The following CPNE4 variants were observed in gnomAD, a reference collection of about 807,000 sequenced individuals.
The protein encoded by CPNE4 is copine-4.
In CPNE4, 25 loss-of-function variants were observed where a neutral mutation model predicts 67.9. That is an observed-to-expected ratio of 0.37 (90% confidence interval 0.27 to 0.51). The LOEUF (loss-of-function observed/expected upper bound fraction) is 0.51. Ranked by LOEUF, CPNE4 falls within the 20% of genes least tolerant of loss-of-function variation. CPNE4 has a pLI of 0.93. For missense variants in CPNE4, 464 were observed against 690.8 expected, an observed-to-expected ratio of 0.67 and a Z score of 3.68; for synonymous variants, 242 against 244.9, an observed-to-expected ratio of 0.99 and a Z score of 0.11.
chr3:131,592,013 T>TA (rs1309517943), intron 7 of CPNE4, among the ~76,000 whole-genome samples: 1 of 152,176 alleles, frequency 6.6e-6, no homozygotes, highest in Non-Finnish European at 1.5e-5. Flanking sequence ...ATAATATCTT[T>TA]AAAAATGCAT....
At chr3:131,763,128 G>A (rs987224106) in intron 2 of CPNE4, among the ~76,000 whole-genome samples, 3 of 152,100 alleles carry the variant, frequency 2.0e-5, no homozygotes, top group Admixed American at 6.6e-5. Flanking sequence ...TGATGCAGGT[G>A]TCTTTAATTA....
intron 1 of CPNE4, among the ~76,000 whole-genome samples, chr3:131,914,308 A>G (rs1167332290): frequency 6.6e-6 from 1 of 152,148 alleles, no homozygotes; most frequent in Non-Finnish European, 1.5e-5. Flanking sequence ...AAGACTCTCA[A>G]AAAAGTGACA....
At chr3:131,567,106 G>C (rs1336412981) in intron 10 of CPNE4, among the ~76,000 whole-genome samples, 4 of 151,926 alleles carry the variant, frequency 2.6e-5, no homozygotes, top group Admixed American at 2.6e-4. Context: ...CCCATGTGCT[G>C]GTTGTCTGAC....
chr3:131,793,591 TCA>T (rs1249192322), intron 2 of CPNE4, among the ~76,000 whole-genome samples: 1 of 152,214 alleles, frequency 6.6e-6, no homozygotes, highest in African/African-American at 2.4e-5. Context: ...ACTATCTCTC[TCA>T]CTCACTAAGA....
intron 15 of CPNE4, among the ~76,000 whole-genome samples, chr3:131,536,220 C>T (rs2107619532): frequency 6.6e-6 from 1 of 152,190 alleles, no homozygotes; most frequent in South Asian, 2.1e-4. Context: ...TTCTATCAGC[C>T]TTATGGATCT....
intron 1 of CPNE4, among the ~76,000 whole-genome samples, chr3:132,015,126 G>T (rs9827029): frequency 2.0e-5 from 3 of 151,872 alleles, no homozygotes; most frequent in Non-Finnish European, 2.9e-5. Flanking sequence ...AGTCAAAGAA[G>T]TTATACTCTG....
chr3:131,719,404 G>C (rs1407565426), intron 3 of CPNE4, among the ~76,000 whole-genome samples: 1 of 152,178 alleles, frequency 6.6e-6, no homozygotes, highest in Non-Finnish European at 1.5e-5. Flanking sequence ...CAGTATATAA[G>C]TTCTTTCAAA....
intron 1 of CPNE4, among the ~76,000 whole-genome samples, chr3:131,974,959 G>T (rs1164668113): frequency 1.3e-5 from 2 of 152,124 alleles, no homozygotes; most frequent in Non-Finnish European, 2.9e-5. Flanking sequence ...CATGAGCGGA[G>T]ATTGCACCCC....
intron 7 of CPNE4, among the ~76,000 whole-genome samples, chr3:131,638,575 G>A (rs1420165634): frequency 6.6e-6 from 1 of 152,084 alleles, no homozygotes; most frequent in East Asian, 1.9e-4. Context: ...ATATAGTGGG[G>A]GACTTTAATA....
intron 2 of CPNE4, among the ~76,000 whole-genome samples, chr3:131,785,707 C>T (rs1321337995): frequency 1.3e-5 from 2 of 150,616 alleles, no homozygotes; most frequent in East Asian, 2.0e-4. Context: ...CTCATGGTGG[C>T]TTATTCCCTG....
intron 2 of CPNE4, among the ~76,000 whole-genome samples, chr3:131,886,944 G>A (rs948666455): frequency 2.6e-5 from 4 of 152,138 alleles, no homozygotes; most frequent in Admixed American, 6.5e-5. Flanking sequence ...TTTGGACTAC[G>A]GACTTTTAGT....
Position 131,992,564 on chromosome 3 carries a change from T to C in CPNE4, c.-2+42003A>G, listed in dbSNP as rs890413511. Among the ~76,000 whole-genome samples the C allele has an allele frequency of 1.4e-4, 19 of 136,202 alleles. 1 individual carries two copies. Among genetic ancestry groups the C allele is most frequent in the African/African-American group, 4.4e-4 (18 of 40,680 alleles). The allele number at this position is 136,202 out of a possible 152,430, so 89.4% of individuals were successfully genotyped here. On this transcript the variant is annotated intron_variant, in intron 1 of 15. Transcript: ENST00000429747. ...ACTTCCCTTATCTCAGATGAGACTT[T>C]GGACTTGAACTTTTGGGTTAATGCT...
chr3:131,945,543 T>C (rs2071527876), intron 1 of CPNE4, among the ~76,000 whole-genome samples: 1 of 152,200 alleles, frequency 6.6e-6, no homozygotes, highest in South Asian at 2.1e-4. Flanking sequence ...GAGCTCCCCA[T>C]TTCCTGGGTG....
chr3:131,826,586 G>A (rs1583277850), intron 2 of CPNE4, among the ~76,000 whole-genome samples: 2 of 152,006 alleles, frequency 1.3e-5, no homozygotes, highest in South Asian at 2.1e-4. Context: ...TTGTTTGTTC[G>A]CTTTTTCTCG....
At chr3:131,973,676 A>C (rs2072565031) in intron 1 of CPNE4, among the ~76,000 whole-genome samples, 1 of 152,204 alleles carries the variant, frequency 6.6e-6, no homozygotes, top group Non-Finnish European at 1.5e-5. Flanking sequence ...AGTATACTGA[A>C]TGACTTCTCC....
chr3:131,704,117 ATT>A (rs1483088974), intron 3 of CPNE4, among the ~76,000 whole-genome samples: 2 of 152,154 alleles, frequency 1.3e-5, no homozygotes, highest in Non-Finnish European at 2.9e-5. Flanking sequence ...TCCTAGTACA[ATT>A]ACTAGGACCA....
chr3:131,800,343 T>A (rs575982224), intron 2 of CPNE4, among the ~76,000 whole-genome samples: 1 of 152,230 alleles, frequency 6.6e-6, no homozygotes, highest in African/African-American at 2.4e-5. Context: ...TGTTTGCAGG[T>A]CTCCTACCAT....
At chr3:131,792,004 G>A (rs187550785) in intron 2 of CPNE4, among the ~76,000 whole-genome samples, 2 of 152,090 alleles carry the variant, frequency 1.3e-5, no homozygotes, top group Non-Finnish European at 2.9e-5. Flanking sequence ...TTTTCTGCTT[G>A]CATCAGAATT....
Position 131,619,443 on chromosome 3 carries a change from G to A in CPNE4, c.682-31861C>T, listed in dbSNP as rs1465573709. ...AATATGACAGGTATTATAATATAGG[G>A]AGAGACATGAAGGGCGGTAAGAGAA... is the stretch of plus-strand genomic sequence containing the variant. On this transcript the variant is annotated intron_variant, in intron 7 of 15. Coordinates refer to ENST00000429747, the MANE Select transcript of CPNE4 (RefSeq NM_130808.3). Among the ~76,000 whole-genome samples, 6 of 152,294 alleles carry A rather than the reference G, an allele frequency of 3.9e-5. No homozygotes were observed. The South Asian group carries it at 1.0e-3, about 26-fold the overall frequency.
Sources: gnomAD v4.1 joint callset for allele counts (sites outside exome capture counted in the v4.1 genomes callset) on GRCh38, gnomAD v4.1.1 for gene constraint, MANE v1.5 for transcripts, NCBI Gene and HGNC (gene_info 2026-07-23, HGNC 2026-07-21) for gene names.